The following PDZRN3 variants were observed in gnomAD, a reference collection of about 807,000 sequenced individuals.
The protein encoded by PDZRN3 is E3 ubiquitin-protein ligase PDZRN3.
PDZRN3 carries 38 observed loss-of-function variants against 85.7 expected under a neutral mutation model. The ratio of observed to expected loss-of-function variants is 0.44; its 90% confidence interval spans 0.34 to 0.58. PDZRN3 has a LOEUF of 0.58. Among genes scored for constraint, PDZRN3 ranks in the 20% least tolerant of loss-of-function variants. The pLI, the probability that PDZRN3 is intolerant of heterozygous loss-of-function variation, is 0.01. For synonymous variants in PDZRN3, 759 were observed against 638.0 expected (o/e 1.19, Z -2.86); for missense variants, 1,629 against 1,506.4 (o/e 1.08, Z -1.35).
At chr3:73,514,674 G>A (rs1001333089) in intron 3 of PDZRN3, among the ~76,000 whole-genome samples, 8 of 152,150 alleles carry the variant, frequency 5.3e-5, no homozygotes, top group Admixed American at 1.3e-4. Context: ...GGCTTTCCTG[G>A]TTGACCAGTG....
intron 3 of PDZRN3, among the ~76,000 whole-genome samples, chr3:73,562,759 T>C (rs1701847587): frequency 6.6e-6 from 1 of 151,900 alleles, no homozygotes; most frequent in Non-Finnish European, 1.5e-5. Flanking sequence ...GTACTTCATT[T>C]GCTTTTCTTC....
At chr3:73,399,320 G>C (rs986913801) in intron 5 of PDZRN3, among the ~76,000 whole-genome samples, 1 of 152,130 alleles carries the variant, frequency 6.6e-6, no homozygotes, top group Non-Finnish European at 1.5e-5. Flanking sequence ...TCTGTTTGGA[G>C]AGCAGTGTTT....
At chr3:73,479,798 C>G (rs983338598) in intron 3 of PDZRN3, among the ~76,000 whole-genome samples, 1 of 151,938 alleles carries the variant, frequency 6.6e-6, no homozygotes, top group East Asian at 1.9e-4. Flanking sequence ...TGGGGACTCA[C>G]GTTCACTATA....
At chr3:73,422,167 C>T (rs1463404667) in intron 3 of PDZRN3, among the ~76,000 whole-genome samples, 1 of 152,190 alleles carries the variant, frequency 6.6e-6, no homozygotes. Flanking sequence ...CTGGAACATT[C>T]CTCCAGAACA....
chr3:73,427,258 C>T (rs1702334668), intron 3 of PDZRN3, among the ~76,000 whole-genome samples: 1 of 152,198 alleles, frequency 6.6e-6, no homozygotes, highest in African/African-American at 2.4e-5. Flanking sequence ...ATTTTACCAA[C>T]GTTATGACGC....
chr3:73,532,314 T>A (rs1356401659), intron 3 of PDZRN3, among the ~76,000 whole-genome samples: 1 of 152,132 alleles, frequency 6.6e-6, no homozygotes, highest in Non-Finnish European at 1.5e-5. Flanking sequence ...TTCCAAGCAT[T>A]TTTAAGCACA....
At chr3:73,523,535 A>G (rs1704448561) in intron 3 of PDZRN3, among the ~76,000 whole-genome samples, 1 of 152,202 alleles carries the variant, frequency 6.6e-6, no homozygotes, top group Non-Finnish European at 1.5e-5. Context: ...AAACAACAAA[A>G]GCACTGTATA....
chr3:73,483,607 A>G (rs1175831226), intron 3 of PDZRN3, among the ~76,000 whole-genome samples: 2 of 152,214 alleles, frequency 1.3e-5, no homozygotes, highest in East Asian at 3.8e-4. Context: ...GAAGTGACAT[A>G]AATTAATTGC....
At position 73,591,775 on chromosome 3, in the gene PDZRN3, G is replaced by A. The variant is rs143093681; in HGVS notation, c.918+10579C>T. On this transcript the variant is annotated intron_variant, in intron 3 of 9. Coordinates refer to ENST00000263666, the MANE Select transcript of PDZRN3 (RefSeq NM_015009.3). ...AAGTTTCCCCAAGATCATGAAGCTC[G>A]CAAATGATAGAACTAGAATTCAAAA... Among the ~76,000 whole-genome samples the A allele has an allele frequency of 4.3e-3, 650 of 152,278 alleles. 4 individuals are homozygous for A. Among genetic ancestry groups the A allele is most frequent in the African/African-American group, 6.3e-3 (263 of 41,564 alleles).
chr3:73,446,659 G>C (rs1312141517), intron 3 of PDZRN3, among the ~76,000 whole-genome samples: 1 of 152,154 alleles, frequency 6.6e-6, no homozygotes, highest in Admixed American at 6.5e-5. Flanking sequence ...CGGGGACAGA[G>C]AGCAACATGT....
Position 73,388,085 on chromosome 3 carries a change from G to A in PDZRN3, c.1417-16C>T, listed in dbSNP as rs200178819. The A allele has an allele frequency of 1.3e-5, 15 of 1,138,970 alleles. No homozygotes were observed. The highest frequency in any genetic ancestry group is 1.2e-4 in the East Asian group (5 of 40,274). 70.6% of individuals were successfully genotyped at this position (1,138,970 alleles called of 1,614,324 possible). On this transcript the variant is annotated splice_polypyrimidine_tract_variant and intron_variant, in intron 7 of 9. Coordinates refer to ENST00000263666, the MANE Select transcript of PDZRN3 (RefSeq NM_015009.3). Reference sequence around the variant, plus strand: ...TCCCATTAATCTTTTAAAAAAAAAGGGGGGGTGGGGAGAGTGGGGAGACAA... The same window carrying A: ...TCCCATTAATCTTTTAAAAAAAAAGAGGGGGTGGGGAGAGTGGGGAGACAA...
At chr3:73,514,817 A>C (rs188455476) in intron 3 of PDZRN3, among the ~76,000 whole-genome samples, 83 of 152,346 alleles carry the variant, frequency 5.4e-4, no homozygotes, top group Non-Finnish European at 1.0e-3. Context: ...GGCAGATACA[A>C]AGGCTATGTT....
chr3:73,491,116 G>C (rs1703761841), intron 3 of PDZRN3, among the ~76,000 whole-genome samples: 1 of 152,214 alleles, frequency 6.6e-6, no homozygotes, highest in Non-Finnish European at 1.5e-5. Flanking sequence ...CCTCCTGGCA[G>C]GCAGGCTGCA....
intron 2 of PDZRN3, 47 bp downstream of exon 2, chr3:73,608,551 C>G: frequency 1.5e-6 from 2 of 1,320,526 alleles, no homozygotes; most frequent in Non-Finnish European, 2.2e-6. Flanking sequence ...ACCTCTCTTT[C>G]CAGCTACACC....
chr3:73,424,169 C>T (rs1200798030), intron 3 of PDZRN3, among the ~76,000 whole-genome samples: 1 of 151,756 alleles, frequency 6.6e-6, no homozygotes, highest in East Asian at 1.9e-4. Context: ...TCAACAAGCA[C>T]AAACCAAAAG....
intron 3 of PDZRN3, among the ~76,000 whole-genome samples, chr3:73,593,487 CAA>C (rs1226688929): frequency 6.6e-6 from 1 of 151,980 alleles, no homozygotes; most frequent in Non-Finnish European, 1.5e-5. Flanking sequence ...GACACTCTGC[CAA>C]AGAGAAGCAC....
chr3:73,549,366 T>G (rs192269474), intron 3 of PDZRN3, among the ~76,000 whole-genome samples: 1 of 152,272 alleles, frequency 6.6e-6, no homozygotes, highest in Non-Finnish European at 1.5e-5. Flanking sequence ...CCGAGAGAAG[T>G]TGCATGGCAG....
At chr3:73,461,919 T>C (rs1703112485) in intron 3 of PDZRN3, among the ~76,000 whole-genome samples, 1 of 152,202 alleles carries the variant, frequency 6.6e-6, no homozygotes, top group Non-Finnish European at 1.5e-5. Context: ...CGGGTGACAC[T>C]GTAGCTAGAG....
At chr3:73,555,996 T>C (rs1701686865) in intron 3 of PDZRN3, among the ~76,000 whole-genome samples, 1 of 152,194 alleles carries the variant, frequency 6.6e-6, no homozygotes, top group African/African-American at 2.4e-5. Flanking sequence ...CAAAATATGC[T>C]TAAGGATTCA....
Sources: allele counts gnomAD v4.1 joint callset (sites outside exome capture counted in the v4.1 genomes callset), GRCh38; gene constraint gnomAD v4.1.1; transcripts MANE v1.5; gene names NCBI Gene and HGNC (gene_info 2026-07-23, HGNC 2026-07-21).